The following BLVRB variants were observed in gnomAD, a reference collection of about 807,000 sequenced individuals.
BLVRB encodes flavin reductase (NADPH).
BLVRB carries 25 observed loss-of-function variants against 21.1 expected under a neutral mutation model. The observed-to-expected ratio is 1.19, with a 90% CI of 0.86 to 1.66. The LOEUF (loss-of-function observed/expected upper bound fraction) is 1.66. Ranked by LOEUF, BLVRB falls within the 40% of genes most tolerant of loss-of-function variation. The pLI is 0.00. For synonymous variants in BLVRB, 128 were observed against 122.2 expected (o/e 1.05, Z -0.31); for missense variants, 274 against 282.7 (o/e 0.97, Z 0.22).
chr19:40,459,516 C>T (rs1450471488), intron 1 of BLVRB, among the ~76,000 whole-genome samples: 1 of 151,412 alleles, frequency 6.6e-6, no homozygotes, highest in Non-Finnish European at 1.5e-5. Context: ...GGCACAATCT[C>T]GGCTCACTGC....
Position 40,463,441 on chromosome 19 carries a change from G to A in BLVRB, c.79+2169C>T, listed in dbSNP as rs147392559. Among the ~76,000 whole-genome samples the A allele has an allele frequency of 6.7e-3, 1,023 of 152,304 alleles. 4 individuals are homozygous for A. The highest frequency in any genetic ancestry group is 0.048 in the Middle Eastern group (14 of 294). ...AAGCCGCAGAGCTGGTGACTTGAATGTGGGCAGGCTGGCACCAGAGTTCAT... is the reference window on the plus strand; with the variant it reads ...AAGCCGCAGAGCTGGTGACTTGAATATGGGCAGGCTGGCACCAGAGTTCAT... On this transcript the variant is annotated intron_variant, in intron 1 of 4. Coordinates refer to ENST00000263368, the MANE Select transcript of BLVRB (RefSeq NM_000713.3).
At position 40,447,820 on chromosome 19, in the gene BLVRB, A is replaced by T; in HGVS notation, c.*69T>A. 6.4e-7 allele frequency: 1 copy of T among 1,550,498 alleles called. No individual in the cohort carries two copies. Among genetic ancestry groups the T allele is most frequent in the Non-Finnish European group, 8.8e-7 (1 of 1,133,528 alleles). On this transcript the variant is annotated 3_prime_UTR_variant, in exon 5 of 5. Transcript: ENST00000263368. ...TAGAGTAATTTGAAGCTCTTGGCTC[A>T]ACATTTATTGCCCCCTTCCTTTGCT...
At chr19:40,461,297 C>T (rs1279413577) in intron 1 of BLVRB, among the ~76,000 whole-genome samples, 1 of 152,166 alleles carries the variant, frequency 6.6e-6, no homozygotes, top group Non-Finnish European at 1.5e-5. Context: ...GTCCTGCCCT[C>T]TCCAATCCAT....
chr19:40,465,026 C>T (rs1599692902), intron 1 of BLVRB, among the ~76,000 whole-genome samples: 1 of 152,182 alleles, frequency 6.6e-6, no homozygotes, highest in Non-Finnish European at 1.5e-5. Flanking sequence ...TCATGTCTCT[C>T]TGTGACTCCT....
intron 3 of BLVRB, among the ~76,000 whole-genome samples, chr19:40,456,964 C>G (rs1328230309): frequency 6.6e-6 from 1 of 151,500 alleles, no homozygotes; most frequent in Non-Finnish European, 1.5e-5. Flanking sequence ...CTAAAATTAA[C>G]AGCAGACCAT....
chr19:40,452,979 C>T (rs2079747116), intron 3 of BLVRB, among the ~76,000 whole-genome samples: 1 of 152,104 alleles, frequency 6.6e-6, no homozygotes, highest in African/African-American at 2.4e-5. Flanking sequence ...AGGAGAATCC[C>T]TTGAACCTGG....
intron 4 of BLVRB, 80 bp from the exon 5 acceptor site, chr19:40,448,126 C>T (rs2079722409): frequency 1.4e-6 from 2 of 1,480,560 alleles, no homozygotes; most frequent in Non-Finnish European, 1.8e-6. Context: ...GAAAGACCTT[C>T]CCAGGGTGCC....
At chr19:40,449,404 C>T (rs2145776059) in intron 4 of BLVRB, among the ~76,000 whole-genome samples, 1 of 152,202 alleles carries the variant, frequency 6.6e-6, no homozygotes, top group East Asian at 1.9e-4. Flanking sequence ...CGCCACCACA[C>T]CTGGCTAATT....
At chr19:40,459,142 C>T (rs1938306144) in intron 1 of BLVRB, among the ~76,000 whole-genome samples, 1 of 149,454 alleles carries the variant, frequency 6.7e-6, no homozygotes, top group Non-Finnish European at 1.5e-5. Context: ...CCAGCCTGGA[C>T]AACATGATGA....
At chr19:40,458,046 G>C (rs1227410995) in intron 3 of BLVRB, 109 bp downstream of exon 3, 2 of 1,097,894 alleles carry the variant, frequency 1.8e-6, no homozygotes, top group Non-Finnish European at 2.7e-6. Flanking sequence ...CTGGTGTTCA[G>C]TAAATGCACA....
In BLVRB at chr19:40,458,508, C is replaced by T; in HGVS notation, c.117G>A (p.Arg39=). 2 of 1,611,560 alleles carry T rather than the reference C, an allele frequency of 1.2e-6. No homozygotes were observed. Among genetic ancestry groups the T allele is most frequent in the Non-Finnish European group, 1.7e-6 (2 of 1,179,258 alleles). ...EVTVLVRDSS[R]LPSEGPRPAH... is the part of the protein sequence containing the mutation. ...CCGGCCGGGGCCCCTCTGATGGCAG[C>T]CTGGAGGAGTCCCGCACCAGCACTG... The change falls in exon 2 of 5, where the codon AGG becomes AGA. Residue 39 remains arginine, a synonymous_variant. Coordinates refer to ENST00000263368, the MANE Select transcript of BLVRB (RefSeq NM_000713.3).
chr19:40,463,618 T>G (rs1234233886), intron 1 of BLVRB, among the ~76,000 whole-genome samples: 5 of 144,058 alleles, frequency 3.5e-5, no homozygotes, highest in African/African-American at 1.3e-4. Context: ...CTTCCTTCCT[T>G]CTTTCCTTTC....
chr19:40,451,512 G>A lies in BLVRB; in HGVS notation c.335-20C>T. Reference sequence around the variant, plus strand: ...GGAAAGCTGGAGGGAACACAGGGCAGGATCAGCCTGGGCTCTCTTGTCTTT... The same window carrying A: ...GGAAAGCTGGAGGGAACACAGGGCAAGATCAGCCTGGGCTCTCTTGTCTTT... On this transcript the variant is annotated intron_variant, in intron 3 of 4. Transcript: ENST00000263368. The A allele has an allele frequency of 1.9e-6, 3 of 1,572,010 alleles. No homozygotes were observed. The highest frequency in any genetic ancestry group is 2.6e-6 in the Non-Finnish European group (3 of 1,161,246).
Position 40,465,705 on chromosome 19 carries a change from G to T in BLVRB, c.-17C>A, listed in dbSNP as rs1280223168. On this transcript the variant is annotated 5_prime_UTR_variant, in exon 1 of 5. Coordinates refer to ENST00000263368, the MANE Select transcript of BLVRB (RefSeq NM_000713.3). ...GACGGCCATCGTACGGGATCGTGGG[G>T]GTGCAAGGCCTCAGAGTCTCGGCAC... 6 of 1,611,760 alleles carry T rather than the reference G, an allele frequency of 3.7e-6. No individual in the cohort carries two copies. Among genetic ancestry groups the T allele is most frequent in the Non-Finnish European group, 5.1e-6 (6 of 1,179,246 alleles).
rs1373589424 is a variant in BLVRB at position 40,458,348 on chromosome 19, G to A, written c.244+33C>T. On this transcript the variant is annotated intron_variant, in intron 2 of 4. Coordinates refer to ENST00000263368, the MANE Select transcript of BLVRB (RefSeq NM_000713.3). ...GGTGGCGCTGGGGGCCGAGGTGTAG[G>A]GGAGGGCCGTGGGCAGAGGGGGGGC... 7 of 1,538,494 alleles carry A rather than the reference G, an allele frequency of 4.5e-6. No homozygotes were observed. In the Admixed American group the frequency reaches 7.7e-5, roughly 17 times the overall value.
At chr19:40,464,955 G>A (rs2079804187) in intron 1 of BLVRB, among the ~76,000 whole-genome samples, 1 of 152,050 alleles carries the variant, frequency 6.6e-6, no homozygotes, top group Non-Finnish European at 1.5e-5. Flanking sequence ...TCTCTCCTGG[G>A]GCAACTCCAA....
intron 4 of BLVRB, among the ~76,000 whole-genome samples, chr19:40,448,622 T>A (rs1430986189): frequency 1.0e-4 from 7 of 68,248 alleles, no homozygotes; most frequent in African/African-American, 1.2e-4. Context: ...TATATATATA[T>A]ATATATATAT....
intron 1 of BLVRB, among the ~76,000 whole-genome samples, chr19:40,458,841 C>G (rs1167286310): frequency 6.6e-6 from 1 of 151,926 alleles, no homozygotes; most frequent in Non-Finnish European, 1.5e-5. Flanking sequence ...CCACAGTGTG[C>G]ACCACCACAC....
intron 4 of BLVRB, chr19:40,450,091 G>C (rs1049721133): frequency 1.0e-4 from 15 of 149,892 alleles, no homozygotes; most frequent in East Asian, 2.0e-4. Flanking sequence ...CCAGCTATTC[G>C]GGGGGCTGAG....
Sources: allele counts gnomAD v4.1 joint callset (sites outside exome capture counted in the v4.1 genomes callset), GRCh38; gene constraint gnomAD v4.1.1; transcripts MANE v1.5; gene names NCBI Gene and HGNC (gene_info 2026-07-23, HGNC 2026-07-21).